MOB3B: variants seen among roughly 807,000 people sequenced by gnomAD.
MOB3B encodes the protein MOB kinase activator-like 2B.
A neutral mutation model predicts 18.7 loss-of-function variants in MOB3B; 7 were observed. The observed-to-expected ratio is 0.37, with a 90% CI of 0.21 to 0.70. The LOEUF (loss-of-function observed/expected upper bound fraction) is 0.70, where lower values mean the gene tolerates loss of function less well. Among genes scored for constraint, MOB3B ranks in the 30% least tolerant of loss-of-function variants. The probability of loss-of-function intolerance (pLI) is 0.52; values close to 1 mark genes in which losing one functional copy is unlikely to be tolerated. For missense variants in MOB3B, 253 were observed against 281.3 expected (o/e 0.90, Z 0.72); for synonymous variants, 111 against 99.9 (o/e 1.11, Z -0.66).
intron 3 of MOB3B, among the ~76,000 whole-genome samples, chr9:27,340,672 C>T (rs1820927280): frequency 6.6e-6 from 1 of 152,198 alleles, no homozygotes; most frequent in South Asian, 2.1e-4. Flanking sequence ...ATCAACCTGG[C>T]TGATGCACTG....
At chr9:27,367,776 A>G (rs1821359933) in intron 2 of MOB3B, among the ~76,000 whole-genome samples, 1 of 152,228 alleles carries the variant, frequency 6.6e-6, no homozygotes, top group Admixed American at 6.5e-5. Flanking sequence ...TCCAAAGGAT[A>G]AACTCTTCTT....
chr9:27,425,129 A>G (rs1822307482), intron 2 of MOB3B, among the ~76,000 whole-genome samples: 1 of 152,032 alleles, frequency 6.6e-6, no homozygotes, highest in Admixed American at 6.5e-5. Flanking sequence ...TAATCCCAGC[A>G]CTTTGGGAGG....
At chr9:27,524,726 G>A (rs777627311) in intron 1 of MOB3B, 5 of 1,614,020 alleles carry the variant, frequency 3.1e-6, no homozygotes, top group Non-Finnish European at 4.2e-6. Flanking sequence ...AATGCTTGGA[G>A]GAAGACAAGA....
chr9:27,365,563 T>C (rs1821332535), intron 2 of MOB3B, among the ~76,000 whole-genome samples: 1 of 152,166 alleles, frequency 6.6e-6, no homozygotes, highest in Admixed American at 6.5e-5. Flanking sequence ...GATATGTGCC[T>C]GTATTGATGA....
At position 27,331,093 on chromosome 9, in the gene MOB3B, G is replaced by C. The variant is rs547942940; in HGVS notation, c.622-477C>G. 9.2e-5 allele frequency among the ~76,000 whole-genome samples: 14 copies of C among 152,164 alleles called. No individual in the cohort carries two copies. In the South Asian group the frequency reaches 2.9e-3, roughly 32 times the overall value. On this transcript the variant is annotated intron_variant, in intron 3 of 3. Coordinates refer to ENST00000262244, the MANE Select transcript of MOB3B (RefSeq NM_024761.5). Reference sequence around the variant, plus strand: ...TTTCAATCAAAGATGGAAAAATAAAGGATAAGTGGGTATAAGTCAAGAAAA... The same window carrying C: ...TTTCAATCAAAGATGGAAAAATAAACGATAAGTGGGTATAAGTCAAGAAAA...
intron 1 of MOB3B, among the ~76,000 whole-genome samples, chr9:27,496,478 A>G (rs1362152409): frequency 6.6e-6 from 1 of 152,228 alleles, no homozygotes; most frequent in African/African-American, 2.4e-5. Flanking sequence ...CGTCACATGT[A>G]AGGACAGTAT....
At chr9:27,452,097 C>T (rs1222964392) in intron 2 of MOB3B, among the ~76,000 whole-genome samples, 2 of 152,082 alleles carry the variant, frequency 1.3e-5, no homozygotes, top group African/African-American at 4.8e-5. Context: ...GGAATGAAAA[C>T]AAAAGGATTC....
At chr9:27,378,343 C>T (rs1310957906) in intron 2 of MOB3B, 1 of 471,514 alleles carries the variant, frequency 2.1e-6, no homozygotes, top group East Asian at 6.9e-5. Context: ...TAAAAAGGGA[C>T]ACATATTGCT....
chr9:27,423,992 T>C (rs1001798012), intron 2 of MOB3B, among the ~76,000 whole-genome samples: 2 of 152,224 alleles, frequency 1.3e-5, no homozygotes, highest in South Asian at 4.1e-4. Context: ...AGCTAGTAAG[T>C]GGTGGAATTA....
chr9:27,420,277 C>A (rs1416946171), intron 2 of MOB3B, among the ~76,000 whole-genome samples: 1 of 151,878 alleles, frequency 6.6e-6, no homozygotes, highest in African/African-American at 2.4e-5. Flanking sequence ...AGTAGAACTA[C>A]CATTTGATCC....
chr9:27,339,269 C>T (rs912542398), intron 3 of MOB3B, among the ~76,000 whole-genome samples: 35 of 152,118 alleles, frequency 2.3e-4, no homozygotes, highest in East Asian at 3.9e-4. Context: ...TTTTTAGGAA[C>T]TATTTTTTTG....
At chr9:27,383,213 A>C (rs1480084495) in intron 2 of MOB3B, among the ~76,000 whole-genome samples, 1 of 152,196 alleles carries the variant, frequency 6.6e-6, no homozygotes, top group African/African-American at 2.4e-5. Flanking sequence ...AGGTAATAAC[A>C]GAACCTCACC....
intron 2 of MOB3B, among the ~76,000 whole-genome samples, chr9:27,434,710 A>C (rs1370401988): frequency 6.6e-6 from 1 of 151,262 alleles, no homozygotes; most frequent in Non-Finnish European, 1.5e-5. Flanking sequence ...GCTTACCTTT[A>C]CTCCTCCTGC....
At position 27,472,850 on chromosome 9, in the gene MOB3B, C is replaced by T. The variant is rs186529430; in HGVS notation, c.-198-17102G>A. Among the ~76,000 whole-genome samples the T allele has an allele frequency of 3.4e-3, 523 of 152,222 alleles. 3 individuals are homozygous for T. The highest frequency in any genetic ancestry group is 4.0e-3 in the Non-Finnish European group (271 of 67,998). Reference sequence around the variant, plus strand: ...TTTAGTCAACAAAAAAATTGAAAGGCTTAACGTAGGTGAAAACTGAAAAAT... The same window carrying T: ...TTTAGTCAACAAAAAAATTGAAAGGTTTAACGTAGGTGAAAACTGAAAAAT... On this transcript the variant is annotated intron_variant, in intron 1 of 3. Coordinates refer to ENST00000262244, the MANE Select transcript of MOB3B (RefSeq NM_024761.5).
intron 3 of MOB3B, among the ~76,000 whole-genome samples, chr9:27,343,891 T>C (rs1391523220): frequency 1.3e-5 from 2 of 152,046 alleles, no homozygotes; most frequent in Non-Finnish European, 1.5e-5. Flanking sequence ...CTGGCCTCAC[T>C]TGCAAATCCT....
intron 2 of MOB3B, among the ~76,000 whole-genome samples, chr9:27,371,426 T>C (rs1309475446): frequency 6.6e-6 from 1 of 152,060 alleles, no homozygotes; most frequent in Non-Finnish European, 1.5e-5. Flanking sequence ...CCACCTGACA[T>C]AGAGGGGTTA....
intron 1 of MOB3B, among the ~76,000 whole-genome samples, chr9:27,489,427 A>T (rs981705026): frequency 5.3e-5 from 8 of 152,204 alleles, no homozygotes; most frequent in African/African-American, 1.9e-4. Context: ...TCAGTCAAAA[A>T]CAAGTATGGT....
intron 1 of MOB3B, among the ~76,000 whole-genome samples, chr9:27,494,209 A>G (rs939182897): frequency 6.6e-6 from 1 of 152,210 alleles, no homozygotes; most frequent in Non-Finnish European, 1.5e-5. Flanking sequence ...TATCAATGAC[A>G]ATGGTGCCCG....
chr9:27,435,297 A>T (rs1314874445), intron 2 of MOB3B, among the ~76,000 whole-genome samples: 4 of 152,152 alleles, frequency 2.6e-5, no homozygotes, highest in Admixed American at 2.6e-4. Flanking sequence ...GGAGAAATGT[A>T]TTCATTTCTC....
Sources: gnomAD v4.1 joint callset for allele counts (sites outside exome capture counted in the v4.1 genomes callset) on GRCh38, gnomAD v4.1.1 for gene constraint, MANE v1.5 for transcripts, NCBI Gene and HGNC (gene_info 2026-07-23, HGNC 2026-07-21) for gene names.